The following SORCS2 variants were observed in gnomAD, a reference collection of about 807,000 sequenced individuals.
SORCS2 encodes VPS10 domain-containing receptor SorCS2.
In SORCS2, 100 loss-of-function variants were observed where a neutral mutation model predicts 141.6. That is an observed-to-expected ratio of 0.71 (90% confidence interval 0.60 to 0.83). SORCS2 has a LOEUF of 0.83. Among genes scored for constraint, SORCS2 ranks in the 40% least tolerant of loss-of-function variants. The probability of loss-of-function intolerance (pLI) is 0.00; values close to 1 mark genes in which losing one functional copy is unlikely to be tolerated. For missense variants in SORCS2, 1,646 were observed against 1,560.2 expected, an observed-to-expected ratio of 1.05 and a Z score of -0.93; for synonymous variants, 789 against 676.9, an observed-to-expected ratio of 1.17 and a Z score of -2.57.
chr4:7,566,638 G>C (rs368094653), intron 3 of SORCS2, among the ~76,000 whole-genome samples: 3 of 152,386 alleles, frequency 2.0e-5, no homozygotes, highest in East Asian at 3.9e-4. Context: ...CCCCAGGCCT[G>C]TGGGTGGTCC....
chr4:7,613,877 C>CCATT (rs1407374683), intron 3 of SORCS2, among the ~76,000 whole-genome samples: 2 of 152,038 alleles, frequency 1.3e-5, no homozygotes, highest in Admixed American at 6.5e-5. Flanking sequence ...CATTCACCAT[C>CCATT]CATTCATTCA....
intron 1 of SORCS2, among the ~76,000 whole-genome samples, chr4:7,232,691 CTG>C (rs1319305121): frequency 6.6e-6 from 1 of 152,210 alleles, no homozygotes; most frequent in Non-Finnish European, 1.5e-5. Flanking sequence ...GGATGCCACA[CTG>C]TGTCGATGCG....
chr4:7,386,555 C>T (rs1417914291), intron 1 of SORCS2, among the ~76,000 whole-genome samples: 1 of 106,330 alleles, frequency 9.4e-6, no homozygotes, highest in Non-Finnish European at 1.9e-5. Context: ...CACAGAGATA[C>T]ACACGCACAT....
chr4:7,651,770 C>T (rs77303337), intron 4 of SORCS2, among the ~76,000 whole-genome samples: 6 of 152,226 alleles, frequency 3.9e-5, no homozygotes, highest in South Asian at 2.1e-4. Flanking sequence ...CCTTGACCCC[C>T]GCAGGGCCTG....
chr4:7,281,122 C>A (rs1715846102), intron 1 of SORCS2, among the ~76,000 whole-genome samples: 1 of 152,110 alleles, frequency 6.6e-6, no homozygotes, highest in South Asian at 2.1e-4. Flanking sequence ...TATGATAAAA[C>A]CCAGCAGAAA....
chr4:7,534,445 C>G (rs1007297181), intron 3 of SORCS2, among the ~76,000 whole-genome samples: 14 of 152,234 alleles, frequency 9.2e-5, no homozygotes, highest in African/African-American at 3.4e-4. Flanking sequence ...TTACTGTCAG[C>G]TGAAGAGAAG....
At chr4:7,238,532 A>C (rs1022216164) in intron 1 of SORCS2, among the ~76,000 whole-genome samples, 6 of 152,170 alleles carry the variant, frequency 3.9e-5, no homozygotes, top group Non-Finnish European at 8.8e-5. Context: ...GGTTGCTCTC[A>C]GGAGTGAGGG....
chr4:7,699,044 A>G (rs1256577824), intron 12 of SORCS2, among the ~76,000 whole-genome samples: 2 of 152,174 alleles, frequency 1.3e-5, no homozygotes, highest in African/African-American at 4.8e-5. Flanking sequence ...GGAATGCCAG[A>G]GTGCATCTGG....
chr4:7,737,326 T>A lies in SORCS2; in HGVS notation c.3415+154T>A, dbSNP rs532442854. 1.5e-4 allele frequency: 149 copies of A among 1,016,744 alleles called. 2 individuals carry two copies. The African/African-American group carries it at 2.3e-3, about 16-fold the overall frequency. The allele number at this position is 1,016,744 out of a possible 1,614,324, so 63.0% of individuals were successfully genotyped here. ...TTGCCAGCGGGTCGGTCGGGCCCAC[T>A]GTGTCCCCTCCATCTGATGAGGGGA... On this transcript the variant is annotated intron_variant, in intron 26 of 26. Coordinates refer to ENST00000507866, the MANE Select transcript of SORCS2 (RefSeq NM_020777.3).
chr4:7,602,781 T>C (rs913670925), intron 3 of SORCS2, among the ~76,000 whole-genome samples: 13 of 152,018 alleles, frequency 8.6e-5, no homozygotes, highest in Non-Finnish European at 1.9e-4. Context: ...GGCTGCAATC[T>C]CGGCACTTTG....
intron 3 of SORCS2, among the ~76,000 whole-genome samples, chr4:7,546,199 G>A (rs985894726): frequency 2.6e-5 from 4 of 152,118 alleles, no homozygotes; most frequent in African/African-American, 4.8e-5. Context: ...TTCTTCTATC[G>A]TGGGAGGTGG....
At chr4:7,338,043 T>C (rs1720099437) in intron 1 of SORCS2, among the ~76,000 whole-genome samples, 1 of 152,204 alleles carries the variant, frequency 6.6e-6, no homozygotes, top group South Asian at 2.1e-4. Flanking sequence ...TTGAGCTCTA[T>C]AGTGACAGCA....
intron 1 of SORCS2, among the ~76,000 whole-genome samples, chr4:7,242,271 C>T (rs1712753912): frequency 6.6e-6 from 1 of 152,186 alleles, no homozygotes; most frequent in Admixed American, 6.5e-5. Flanking sequence ...TCACAAATCA[C>T]TGCAGCCTTG....
chr4:7,488,727 A>G (rs1262634452), intron 2 of SORCS2, among the ~76,000 whole-genome samples: 1 of 152,230 alleles, frequency 6.6e-6, no homozygotes, highest in Admixed American at 6.5e-5. Context: ...GTCACTGGCC[A>G]TGGCAGACAT....
rs1403750438 is a variant in SORCS2, at chr4:7,561,952, A to G, written c.648+30323A>G. On this transcript the variant is annotated intron_variant, in intron 3 of 26. Transcript: ENST00000507866. Reference sequence around the variant, plus strand: ...CCATCCATCTATCCATCTACCTCTTAATCCATGTATTCATTTATCCATCTA... The same window carrying G: ...CCATCCATCTATCCATCTACCTCTTGATCCATGTATTCATTTATCCATCTA... 2.6e-5 allele frequency among the ~76,000 whole-genome samples: 4 copies of G among 151,844 alleles called. No individual in the cohort carries two copies. In the East Asian group the frequency reaches 7.8e-4, roughly 30 times the overall value.
At chr4:7,288,800 G>C (rs865980807) in intron 1 of SORCS2, among the ~76,000 whole-genome samples, 2 of 119,326 alleles carry the variant, frequency 1.7e-5, no homozygotes, top group Non-Finnish European at 3.5e-5. Flanking sequence ...GTGGGGGGGG[G>C]AGTTGGGGAG....
At chr4:7,563,317 C>T (rs1436792072) in intron 3 of SORCS2, among the ~76,000 whole-genome samples, 1 of 152,148 alleles carries the variant, frequency 6.6e-6, no homozygotes, top group Non-Finnish European at 1.5e-5. Flanking sequence ...GATAACATCA[C>T]CAGCAAGAGG....
chr4:7,452,581 C>T (rs1270897493), intron 2 of SORCS2, among the ~76,000 whole-genome samples: 1 of 152,240 alleles, frequency 6.6e-6, no homozygotes, highest in Admixed American at 6.5e-5. Flanking sequence ...GCTATGTGCT[C>T]TCCTGCTGAC....
At chr4:7,555,161 A>T (rs1426762059) in intron 3 of SORCS2, among the ~76,000 whole-genome samples, 1 of 152,202 alleles carries the variant, frequency 6.6e-6, no homozygotes, top group Non-Finnish European at 1.5e-5. Context: ...CACTCCCTCT[A>T]TGTGAAAGTG....
Sources: gnomAD v4.1 joint callset for allele counts (sites outside exome capture counted in the v4.1 genomes callset) on GRCh38, gnomAD v4.1.1 for gene constraint, MANE v1.5 for transcripts, NCBI Gene and HGNC (gene_info 2026-07-23, HGNC 2026-07-21) for gene names.